RHBDD1: variants seen among roughly 807,000 people sequenced by gnomAD.
The protein encoded by RHBDD1 is rhomboid domain containing 1, also known as rhomboid-related protein 4.
A neutral mutation model predicts 36.3 loss-of-function variants in RHBDD1; 38 were observed. The observed-to-expected ratio is 1.05, with a 90% CI of 0.81 to 1.37. RHBDD1 has a LOEUF of 1.37. Among genes scored for constraint, RHBDD1 ranks in the 40% most tolerant of loss-of-function variants. The probability of loss-of-function intolerance (pLI) is 0.00; values close to 1 mark genes in which losing one functional copy is unlikely to be tolerated. For missense variants in RHBDD1, 393 were observed against 377.6 expected (o/e 1.04, Z -0.34); for synonymous variants, 151 against 136.5 (o/e 1.11, Z -0.74).
At chr2:226,870,562 C>G (rs568721976) in intron 5 of RHBDD1, among the ~76,000 whole-genome samples, 1 of 152,224 alleles carries the variant, frequency 6.6e-6, no homozygotes, top group Admixed American at 6.5e-5. Flanking sequence ...ACAGTTGACC[C>G]CTGAACAACT....
At chr2:226,838,736 G>A (rs1209375447) in intron 2 of RHBDD1, among the ~76,000 whole-genome samples, 4 of 152,128 alleles carry the variant, frequency 2.6e-5, no homozygotes, top group Non-Finnish European at 5.9e-5. Context: ...ACCATAAAAT[G>A]CTGAAATGGA....
chr2:226,932,593 A>T (rs955814223), intron 8 of RHBDD1, among the ~76,000 whole-genome samples: 2 of 151,670 alleles, frequency 1.3e-5, no homozygotes, highest in African/African-American at 2.4e-5. Context: ...TTGTGCTGTG[A>T]CTCGGATAGG....
At chr2:226,834,639 G>A (rs1226154161), upstream of RHBDD1, among the ~76,000 whole-genome samples, 1 of 152,138 alleles carries the variant, frequency 6.6e-6, no homozygotes, top group Non-Finnish European at 1.5e-5. Flanking sequence ...GGCAGTTTTT[G>A]TTTTAGCAGA....
chr2:226,898,936 T>G (rs1197138627), intron 5 of RHBDD1, among the ~76,000 whole-genome samples: 2 of 152,244 alleles, frequency 1.3e-5, no homozygotes, highest in Non-Finnish European at 2.9e-5. Context: ...GTTGCGTCCT[T>G]AATGAGGTCA....
At chr2:226,954,015 C>T (rs1407110641) in intron 8 of RHBDD1, among the ~76,000 whole-genome samples, 4 of 152,268 alleles carry the variant, frequency 2.6e-5, no homozygotes, top group Non-Finnish European at 4.4e-5. Context: ...TGAGGTTAAA[C>T]GGAAGTCACC....
In RHBDD1 at chr2:226,995,648, G is replaced by A. The variant is rs575165573; in HGVS notation, c.*126G>A. The A allele has an allele frequency of 4.1e-4, 292 of 703,740 alleles. No homozygotes were observed. Among genetic ancestry groups the A allele is most frequent in the Non-Finnish European group, 5.8e-4 (230 of 398,344 alleles). 43.6% of individuals were successfully genotyped at this position (703,740 alleles called of 1,614,324 possible). On this transcript the variant is annotated 3_prime_UTR_variant, in exon 9 of 9. Transcript: ENST00000392062. Reference sequence around the variant, plus strand: ...GAGTACACCGGTATTGCTCCAGATCGCTCACATCACCTGGGACAGTCCCAT... The same window carrying A: ...GAGTACACCGGTATTGCTCCAGATCACTCACATCACCTGGGACAGTCCCAT...
At position 226,998,516 on chromosome 2, in the gene RHBDD1, A is replaced by T. The variant is rs955547444; in HGVS notation, c.*2994A>T. 6.6e-6 allele frequency: 1 copy of T among 152,158 alleles called. No individual in the cohort carries two copies. The highest frequency in any genetic ancestry group is 1.5e-5 in the Non-Finnish European group (1 of 68,010). The allele number at this position is 152,158 out of a possible 1,614,324, so 9.4% of individuals were successfully genotyped here. ...AGAATAGCATTCAATTAGTCAAAAA[A>T]TATATATATAACTTCTTCCTTTCCC... On this transcript the variant is annotated 3_prime_UTR_variant, in exon 9 of 9. Coordinates refer to ENST00000392062, the MANE Select transcript of RHBDD1 (RefSeq NM_001167608.3).
At chr2:226,894,594 ATTAC>A (rs1351490794) in intron 5 of RHBDD1, among the ~76,000 whole-genome samples, 3 of 152,086 alleles carry the variant, frequency 2.0e-5, no homozygotes, top group Admixed American at 1.3e-4. Flanking sequence ...ATTTTATTTT[ATTAC>A]TTTTTATTCT....
At chr2:226,803,639 A>G in the RHBDD1 span, among the ~76,000 whole-genome samples, 1 of 152,234 alleles carries the variant, frequency 6.6e-6, no homozygotes, top group Non-Finnish European at 1.5e-5. Flanking sequence ...AAATAGGCAC[A>G]GGGCAAATGA....
chr2:226,974,920 G>C (rs1009998211), intron 8 of RHBDD1, among the ~76,000 whole-genome samples: 2 of 152,198 alleles, frequency 1.3e-5, no homozygotes, highest in Admixed American at 6.5e-5. Context: ...TTCAGGCCAT[G>C]TATCTCTTCC....
chr2:226,823,941 C>A, the RHBDD1 span, among the ~76,000 whole-genome samples: 1 of 152,108 alleles, frequency 6.6e-6, no homozygotes, highest in African/African-American at 2.4e-5. Context: ...AGGCAGACAG[C>A]CCCTCATGAT....
chr2:226,811,773 A>T, the RHBDD1 span, among the ~76,000 whole-genome samples: 18 of 152,244 alleles, frequency 1.2e-4, 1 homozygote. Flanking sequence ...GAGGACACTG[A>T]AAGTAGGAGT....
chr2:226,903,115 C>T (rs1326201961), intron 5 of RHBDD1, among the ~76,000 whole-genome samples: 1 of 152,106 alleles, frequency 6.6e-6, no homozygotes, highest in Non-Finnish European at 1.5e-5. Flanking sequence ...TTGTATCTCT[C>T]AAACTGCCAC....
intron 3 of RHBDD1, among the ~76,000 whole-genome samples, chr2:226,844,865 T>C (rs1942051079): frequency 1.3e-5 from 2 of 152,218 alleles, no homozygotes; most frequent in South Asian, 2.1e-4. Flanking sequence ...CTAATTCACC[T>C]AGCAGTGGAG....
intron 3 of RHBDD1, among the ~76,000 whole-genome samples, chr2:226,863,488 A>G (rs908147309): frequency 6.6e-6 from 1 of 152,206 alleles, no homozygotes; most frequent in Non-Finnish European, 1.5e-5. Context: ...GAAGTAAACC[A>G]AGTACCATTT....
upstream of RHBDD1, among the ~76,000 whole-genome samples, chr2:226,831,884 T>C (rs549022843): frequency 2.6e-4 from 39 of 152,238 alleles, no homozygotes; most frequent in African/African-American, 8.9e-4. Flanking sequence ...GGTAGTGATG[T>C]ACCTGTTTTG....
intron 7 of RHBDD1, among the ~76,000 whole-genome samples, chr2:226,910,941 C>T (rs1948475641): frequency 6.6e-6 from 1 of 152,054 alleles, no homozygotes; most frequent in Non-Finnish European, 1.5e-5. Flanking sequence ...ATTTAAGGCA[C>T]CAAAACTTTC....
chr2:226,997,393 G>T lies in RHBDD1; in HGVS notation c.*1871G>T, dbSNP rs963423275. On this transcript the variant is annotated 3_prime_UTR_variant, in exon 9 of 9. Transcript: ENST00000392062. ...TGGTAATTCTGCTATAACACATCTT[G>T]CCCCTATTATTAACTGTGCACAGCT... 12 of 152,042 alleles carry T rather than the reference G, an allele frequency of 7.9e-5. No individual in the cohort carries two copies. The highest frequency in any genetic ancestry group is 1.8e-4 in the Non-Finnish European group (12 of 68,014). 9.4% of individuals were successfully genotyped at this position (152,042 alleles called of 1,614,324 possible).
intron 3 of RHBDD1, among the ~76,000 whole-genome samples, chr2:226,854,688 A>G (rs774408982): frequency 3.8e-4 from 57 of 151,868 alleles, no homozygotes; most frequent in Admixed American, 2.0e-3. Flanking sequence ...ATTTGACTCC[A>G]GAGTCCATTC....
Sources: gnomAD v4.1 joint callset for allele counts (sites outside exome capture counted in the v4.1 genomes callset) on GRCh38, gnomAD v4.1.1 for gene constraint, MANE v1.5 for transcripts, NCBI Gene and HGNC (gene_info 2026-07-23, HGNC 2026-07-21) for gene names.